The following DCUN1D5 variants were observed in gnomAD, a reference collection of about 807,000 sequenced individuals.
DCUN1D5 encodes defective in cullin neddylation 1 domain containing 5, also known as DCN1-like protein 5.
DCUN1D5 carries 10 observed loss-of-function variants against 38.3 expected under a neutral mutation model. The observed-to-expected ratio is 0.26, with a 90% CI of 0.16 to 0.44. The LOEUF is 0.44. Among genes scored for constraint, DCUN1D5 ranks in the 20% least tolerant of loss-of-function variants. The pLI is 1.00. For missense variants in DCUN1D5, 148 were observed against 275.3 expected, an observed-to-expected ratio of 0.54 and a Z score of 3.27; for synonymous variants, 93 against 90.9, an observed-to-expected ratio of 1.02 and a Z score of -0.13.
rs1453018019 is a variant in DCUN1D5, at chr11:103,063,582, A to T, written c.658+693T>A. 6.6e-6 allele frequency among the ~76,000 whole-genome samples: 1 copy of T among 152,152 alleles called. No homozygotes were observed. Among genetic ancestry groups the T allele is most frequent in the African/African-American group, 2.4e-5 (1 of 41,440 alleles). ...TTTCAGTTTAAGTTTATAGGAATGT[A>T]CCTTTCCTTGTAACCCTTCTGAACA... On this transcript the variant is annotated intron_variant, in intron 7 of 7. Transcript: ENST00000260247. This position sits in a 1 kb window ranked among gnomAD's most constrained non-coding sequence, Gnocchi z 4.6.
intron 4 of DCUN1D5, among the ~76,000 whole-genome samples, chr11:103,072,489 T>C (rs944164900): frequency 1.3e-5 from 2 of 151,954 alleles, no homozygotes; most frequent in South Asian, 2.1e-4. Context: ...CTATTCACAA[T>C]AGTAAAGACT....
rs1250756143 is a variant in DCUN1D5, at chr11:103,057,008, T to A, written c.*5351A>T. Among the ~76,000 whole-genome samples, 2 of 152,106 alleles carry A rather than the reference T, an allele frequency of 1.3e-5. No individual in the cohort carries two copies. Among genetic ancestry groups the A allele is most frequent in the African/African-American group, 4.8e-5 (2 of 41,392 alleles). On this transcript the variant is annotated 3_prime_UTR_variant, in exon 8 of 8. Coordinates refer to ENST00000260247, the MANE Select transcript of DCUN1D5 (RefSeq NM_032299.4). This position sits in a 1 kb window ranked among gnomAD's most constrained non-coding sequence, Gnocchi z 4.8. ...TTAAGTGGCTTGTTTAAAAGTGACA[T>A]TAACAGGAATGTCACAAAAAGAAAA... is the stretch of plus-strand genomic sequence containing the variant.
At chr11:103,080,780 A>C (rs1223040295) in intron 4 of DCUN1D5, among the ~76,000 whole-genome samples, 2 of 152,280 alleles carry the variant, frequency 1.3e-5, no homozygotes, top group East Asian at 3.9e-4. Flanking sequence ...AGGTCGAGGC[A>C]GGTGGATCAC....
chr11:103,083,312 C>A lies in DCUN1D5; in HGVS notation c.193G>T (p.Val65Leu). The A allele has an allele frequency of 6.3e-7, 1 of 1,592,612 alleles. No individual in the cohort carries two copies. The highest frequency in any genetic ancestry group is 1.3e-5 in the African/African-American group (1 of 74,580). The part of the protein sequence containing the change: ...FYEYAGPDEV[V>L]GPEGMEKFCE... ...AATTTTTCCATTCCTTCTGGCCCTACAACTTCATCAGGACCTTCAAAGACA... is the reference window on the plus strand; with the variant it reads ...AATTTTTCCATTCCTTCTGGCCCTAAAACTTCATCAGGACCTTCAAAGACA... Residue 65 changes from valine (V) to leucine (L), a missense_variant, in exon 3 of 8, where the codon GTA (valine) becomes TTA (leucine). Val to Leu is a conservative substitution (Grantham distance 32). Transcript: ENST00000260247. This position sits in a 1 kb window ranked among gnomAD's most constrained non-coding sequence, Gnocchi z 4.4.
rs1862474420 is a variant in DCUN1D5, at chr11:103,078,757, C to T, written c.341+3991G>A. 1.3e-5 allele frequency among the ~76,000 whole-genome samples: 2 copies of T among 152,218 alleles called. No individual in the cohort carries two copies. Among genetic ancestry groups the T allele is most frequent in the African/African-American group, 2.4e-5 (1 of 41,456 alleles). ...AACATATGCTTTCCTTCCTCAAGGTCCTGCTCACAATTTCCCTCTTCTGAA... is the reference window on the plus strand; with the variant it reads ...AACATATGCTTTCCTTCCTCAAGGTTCTGCTCACAATTTCCCTCTTCTGAA... On this transcript the variant is annotated intron_variant, in intron 4 of 7. Coordinates refer to ENST00000260247, the MANE Select transcript of DCUN1D5 (RefSeq NM_032299.4). This position sits in a 1 kb window ranked among gnomAD's most constrained non-coding sequence, Gnocchi z 4.6.
intron 4 of DCUN1D5, among the ~76,000 whole-genome samples, chr11:103,075,651 T>C (rs1862390555): frequency 6.6e-6 from 1 of 152,200 alleles, no homozygotes; most frequent in African/African-American, 2.4e-5. Flanking sequence ...AGTGCTGGGA[T>C]TACAGGCGTG....
rs1040444727 is a variant in DCUN1D5 at position 103,053,304 on chromosome 11, T to C, written c.*9055A>G. ...ATCCATTTAATGAACCATTTCACTA[T>C]ACTGCCTACAAAGAAAGCAAGTAAT... On this transcript the variant is annotated 3_prime_UTR_variant, in exon 8 of 8. Coordinates refer to ENST00000260247, the MANE Select transcript of DCUN1D5 (RefSeq NM_032299.4). This position sits in a 1 kb window ranked among gnomAD's most constrained non-coding sequence, Gnocchi z 4.8. 1.3e-5 allele frequency: 2 copies of C among 150,504 alleles called. No homozygotes were observed. Among genetic ancestry groups the C allele is most frequent in the African/African-American group, 4.8e-5 (2 of 41,244 alleles). The allele number at this position is 150,504 out of a possible 1,614,324, so 9.3% of individuals were successfully genotyped here.
chr11:103,090,813 G>A (rs1862841836), intron 1 of DCUN1D5, among the ~76,000 whole-genome samples: 1 of 152,206 alleles, frequency 6.6e-6, no homozygotes, highest in African/African-American at 2.4e-5. Context: ...TCAGGAGGCT[G>A]AGGCAGGAGA....
chr11:103,077,974 G>A lies in DCUN1D5; in HGVS notation c.341+4774C>T, dbSNP rs1271567221. ...AATGAATGACAGTCACATCACACACGATGGCATTTCATTTACTCTCCTCTT... is the reference window on the plus strand; with the variant it reads ...AATGAATGACAGTCACATCACACACAATGGCATTTCATTTACTCTCCTCTT... On this transcript the variant is annotated intron_variant, in intron 4 of 7. Coordinates refer to ENST00000260247, the MANE Select transcript of DCUN1D5 (RefSeq NM_032299.4). This position sits in a 1 kb window ranked among gnomAD's most constrained non-coding sequence, Gnocchi z 4.3. 6.6e-6 allele frequency among the ~76,000 whole-genome samples: 1 copy of A among 151,784 alleles called. No individual in the cohort carries two copies. The highest frequency in any genetic ancestry group is 1.5e-5 in the Non-Finnish European group (1 of 67,976).
Position 103,083,989 on chromosome 11 carries a change from G to A in DCUN1D5, c.179-663C>T, listed in dbSNP as rs1189176887. On this transcript the variant is annotated intron_variant, in intron 2 of 7. Transcript: ENST00000260247. The surrounding 1 kb of genome is among the most constrained non-coding windows in gnomAD (Gnocchi z 4.4). ...AAGTTTAATCTTTCAATTAGTTAGT[G>A]TCTATCATTCATCCAAAAATTAATT... 5.9e-5 allele frequency among the ~76,000 whole-genome samples: 9 copies of A among 151,966 alleles called. No individual in the cohort carries two copies. Among genetic ancestry groups the A allele is most frequent in the African/African-American group, 2.2e-4 (9 of 41,362 alleles).
At position 103,059,216 on chromosome 11, in the gene DCUN1D5, T is replaced by C. The variant is rs2134594206; in HGVS notation, c.*3143A>G. The stretch of plus-strand genomic sequence containing the variant: ...TTAGCAAGTAGGCAGACAGGACATG[T>C]TTTGTTGAAGAAATACTTCAAAGTG... On this transcript the variant is annotated 3_prime_UTR_variant, in exon 8 of 8. Transcript: ENST00000260247. Among the ~76,000 whole-genome samples the C allele has an allele frequency of 6.6e-6, 1 of 152,274 alleles. No individual in the cohort carries two copies. The highest frequency in any genetic ancestry group is 1.9e-4 in the East Asian group (1 of 5,188).
At chr11:103,070,009 A>G (rs1455960785) in intron 4 of DCUN1D5, among the ~76,000 whole-genome samples, 1 of 152,220 alleles carries the variant, frequency 6.6e-6, no homozygotes, top group Non-Finnish European at 1.5e-5. Flanking sequence ...CCAAAATGAC[A>G]GAGATGTTCA....
rs564474991 is a variant in DCUN1D5, at chr11:103,078,358, C to G, written c.341+4390G>C. ...AAAAACTCGCCAAGTATCCTTGAAACCTCGTATCTATAGACGAAGGAAGAG... is the reference window on the plus strand; with the variant it reads ...AAAAACTCGCCAAGTATCCTTGAAAGCTCGTATCTATAGACGAAGGAAGAG... On this transcript the variant is annotated intron_variant, in intron 4 of 7. Coordinates refer to ENST00000260247, the MANE Select transcript of DCUN1D5 (RefSeq NM_032299.4). This position sits in a 1 kb window ranked among gnomAD's most constrained non-coding sequence, Gnocchi z 4.6. Among the ~76,000 whole-genome samples the G allele has an allele frequency of 6.6e-6, 1 of 152,198 alleles. No homozygotes were observed. Among genetic ancestry groups the G allele is most frequent in the South Asian group, 2.1e-4 (1 of 4,834 alleles).
rs1862427649 is a variant in DCUN1D5 at position 103,077,091 on chromosome 11, TC to T, written c.341+5656del. Among the ~76,000 whole-genome samples the T allele has an allele frequency of 6.6e-6, 1 of 152,156 alleles. No homozygotes were observed. Among genetic ancestry groups the T allele is most frequent in the South Asian group, 2.1e-4 (1 of 4,816 alleles). Reference sequence around the variant, plus strand: ...GGCGGGTGCCTGTAGTCCCAGCTACTCAGGAGTCTGAAGCAGGGGAATGGCG... The same window carrying T: ...GGCGGGTGCCTGTAGTCCCAGCTACTAGGAGTCTGAAGCAGGGGAATGGCG... On this transcript the variant is annotated intron_variant, in intron 4 of 7. Coordinates refer to ENST00000260247, the MANE Select transcript of DCUN1D5 (RefSeq NM_032299.4). This position sits in a 1 kb window ranked among gnomAD's most constrained non-coding sequence, Gnocchi z 4.3.
chr11:103,084,948 T>C (rs1404435486), intron 2 of DCUN1D5, among the ~76,000 whole-genome samples: 3 of 152,060 alleles, frequency 2.0e-5, no homozygotes, highest in African/African-American at 4.8e-5. Context: ...GATCACGCCA[T>C]TGTACTCCAG....
At chr11:103,074,070 A>G (rs1297256677) in intron 4 of DCUN1D5, among the ~76,000 whole-genome samples, 1 of 152,204 alleles carries the variant, frequency 6.6e-6, no homozygotes, top group Non-Finnish European at 1.5e-5. Context: ...AACTCACTGG[A>G]GTGCAACAGA....
intron 2 of DCUN1D5, among the ~76,000 whole-genome samples, chr11:103,088,154 C>T (rs1046908682): frequency 6.6e-6 from 1 of 152,140 alleles, no homozygotes; most frequent in Non-Finnish European, 1.5e-5. Flanking sequence ...AATAGTCTCA[C>T]ATTCCATACA....
rs1243971652 is a variant in DCUN1D5 at position 103,077,746 on chromosome 11, G to C, written c.341+5002C>G. Among the ~76,000 whole-genome samples the C allele has an allele frequency of 6.6e-6, 1 of 152,188 alleles. No homozygotes were observed. Among genetic ancestry groups the C allele is most frequent in the African/African-American group, 2.4e-5 (1 of 41,452 alleles). ...CCCAGTGACTGTGCTGTGACACATT[G>C]ATGTGTAACACGAAGAATTGTGTCA... On this transcript the variant is annotated intron_variant, in intron 4 of 7. Coordinates refer to ENST00000260247, the MANE Select transcript of DCUN1D5 (RefSeq NM_032299.4). The surrounding 1 kb of genome is among the most constrained non-coding windows in gnomAD (Gnocchi z 4.3).
chr11:103,052,043 G>A lies in DCUN1D5; in HGVS notation c.*10316C>T, dbSNP rs1861752998. The A allele has an allele frequency of 6.6e-6, 1 of 152,208 alleles. No homozygotes were observed. Among genetic ancestry groups the A allele is most frequent in the African/African-American group, 2.4e-5 (1 of 41,458 alleles). 9.4% of individuals were successfully genotyped at this position (152,208 alleles called of 1,614,324 possible). A position where few individuals can be genotyped will look rare whatever the true frequency, so the allele number is the denominator to read the frequency against. Reference sequence around the variant, plus strand: ...GGCACTAACTCAGAAAATGCTTAGTGAGATCTGTCTTTAATTATGAAATAA... The same window carrying A: ...GGCACTAACTCAGAAAATGCTTAGTAAGATCTGTCTTTAATTATGAAATAA... On this transcript the variant is annotated 3_prime_UTR_variant, in exon 8 of 8. Coordinates refer to ENST00000260247, the MANE Select transcript of DCUN1D5 (RefSeq NM_032299.4).
Sources: allele counts gnomAD v4.1 joint callset (sites outside exome capture counted in the v4.1 genomes callset), GRCh38; gene constraint gnomAD v4.1.1; non-coding constraint Gnocchi (gnomAD v3.1); transcripts MANE v1.5; gene names NCBI Gene and HGNC (gene_info 2026-07-23, HGNC 2026-07-21).